The following LRFN2 variants were observed in gnomAD, a reference collection of about 807,000 sequenced individuals.
LRFN2 encodes leucine rich repeat and fibronectin type III domain containing 2.
In LRFN2, 18 loss-of-function variants were observed where a neutral mutation model predicts 37.3. That is an observed-to-expected ratio of 0.48 (90% confidence interval 0.33 to 0.72). The LOEUF (loss-of-function observed/expected upper bound fraction) is 0.72, where lower values mean the gene tolerates loss of function less well. Among genes scored for constraint, LRFN2 ranks in the 30% least tolerant of loss-of-function variants. The pLI is 0.02. For missense variants in LRFN2, 1,006 were observed against 1,060.7 expected (o/e 0.95, Z 0.72); for synonymous variants, 556 against 466.6 (o/e 1.19, Z -2.47).
intron 2 of LRFN2, among the ~76,000 whole-genome samples, chr6:40,409,534 C>T (rs985580): frequency 1.1e-4 from 17 of 152,136 alleles, no homozygotes; most frequent in African/African-American, 4.1e-4. Context: ...AGATCAGTTT[C>T]AAATGTTGGC....
chr6:40,512,164 G>A (rs982701189), intron 1 of LRFN2, among the ~76,000 whole-genome samples: 4 of 152,130 alleles, frequency 2.6e-5, no homozygotes, highest in African/African-American at 7.2e-5. Context: ...GACGTGTCCC[G>A]CGCACTTGAC....
chr6:40,471,605 A>G (rs79463374), intron 1 of LRFN2, among the ~76,000 whole-genome samples: 12 of 152,170 alleles, frequency 7.9e-5, no homozygotes, highest in Admixed American at 7.9e-4. Flanking sequence ...CCCAACTCCA[A>G]TACTATATTA....
At chr6:40,517,141 C>A (rs1463010325) in intron 1 of LRFN2, among the ~76,000 whole-genome samples, 1 of 152,194 alleles carries the variant, frequency 6.6e-6, no homozygotes. Flanking sequence ...CTCTCCTCAT[C>A]CCTAGCTGCA....
intron 1 of LRFN2, among the ~76,000 whole-genome samples, chr6:40,446,829 TC>T (rs1197107546): frequency 1.3e-5 from 2 of 152,170 alleles, no homozygotes; most frequent in African/African-American, 4.8e-5. Context: ...GGGAGCTGTG[TC>T]CCCCCTCAGA....
chr6:40,411,316 AGGAGT>A (rs1340255529), intron 2 of LRFN2, among the ~76,000 whole-genome samples: 1 of 152,166 alleles, frequency 6.6e-6, no homozygotes, highest in Non-Finnish European at 1.5e-5. Flanking sequence ...CGGGCACGGT[AGGAGT>A]AGGGGGGCTG....
At chr6:40,502,753 G>T (rs1225971637) in intron 1 of LRFN2, among the ~76,000 whole-genome samples, 2 of 152,232 alleles carry the variant, frequency 1.3e-5, no homozygotes, top group Non-Finnish European at 2.9e-5. Flanking sequence ...ACTATGCTGT[G>T]TTAGGCACTG....
At chr6:40,476,947 A>G (rs1447457694) in intron 1 of LRFN2, among the ~76,000 whole-genome samples, 2 of 152,212 alleles carry the variant, frequency 1.3e-5, no homozygotes, top group East Asian at 1.9e-4. Flanking sequence ...GGCCTGCTAC[A>G]AAGTAGCTTA....
At chr6:40,576,014 T>C (rs115678336) in intron 1 of LRFN2, among the ~76,000 whole-genome samples, 4,204 of 152,296 alleles carry the variant, frequency 0.028, 90 homozygotes, top group Admixed American at 0.039. Context: ...GTGGCCATTA[T>C]TATTATGTTA....
At chr6:40,572,473 G>C (rs963470683) in intron 1 of LRFN2, among the ~76,000 whole-genome samples, 1 of 152,210 alleles carries the variant, frequency 6.6e-6, no homozygotes, top group South Asian at 2.1e-4. Flanking sequence ...ACTATGGGAA[G>C]TGTTTGGAAG....
chr6:40,482,300 C>T (rs1174094386), intron 1 of LRFN2, among the ~76,000 whole-genome samples: 2 of 152,162 alleles, frequency 1.3e-5, no homozygotes, highest in Non-Finnish European at 2.9e-5. Context: ...ATGACAAGTC[C>T]CATAGAGGTC....
At chr6:40,526,094 A>G (rs554762381) in intron 1 of LRFN2, among the ~76,000 whole-genome samples, 109 of 152,354 alleles carry the variant, frequency 7.2e-4, no homozygotes, top group Admixed American at 4.6e-3. Flanking sequence ...AGCACTGCTT[A>G]TGGGCTGACT....
At position 40,463,670 on chromosome 6, in the gene LRFN2, A is replaced by ATTTTTTTTT. The variant is rs66745321; in HGVS notation, c.-18-30548_-18-30540dup. ...TACATCATACTATTTCTTTCTTTCTATTTTTTTTTTTTTTTTTTTTTTTTG... is the reference window on the plus strand; with the variant it reads ...TACATCATACTATTTCTTTCTTTCTATTTTTTTTTTTTTTTTTTTTTTTTTTTTTTTTTG... On this transcript the variant is annotated intron_variant, in intron 1 of 2. Transcript: ENST00000338305. Among the ~76,000 whole-genome samples, 137 of 76,536 alleles carry ATTTTTTTTT rather than the reference A, an allele frequency of 1.8e-3. 3 individuals carry two copies. The highest frequency in any genetic ancestry group is 2.6e-3 in the Non-Finnish European group (111 of 42,344). The allele number at this position is 76,536 out of a possible 152,430, so 50.2% of individuals were successfully genotyped here.
intron 2 of LRFN2, among the ~76,000 whole-genome samples, chr6:40,420,819 T>TC (rs1763211777): frequency 6.6e-6 from 1 of 152,216 alleles, no homozygotes; most frequent in Non-Finnish European, 1.5e-5. Context: ...GAGACAAGGA[T>TC]TTGAATACAA....
intron 1 of LRFN2, among the ~76,000 whole-genome samples, chr6:40,463,362 T>C (rs1764386988): frequency 6.6e-6 from 1 of 152,178 alleles, no homozygotes; most frequent in Non-Finnish European, 1.5e-5. Flanking sequence ...CTGCAATAGC[T>C]CCTGACTAAT....
intron 1 of LRFN2, among the ~76,000 whole-genome samples, chr6:40,551,141 G>A (rs1208634426): frequency 6.6e-6 from 1 of 152,136 alleles, no homozygotes; most frequent in Admixed American, 6.5e-5. Context: ...GACTAGTCCA[G>A]AGGAACATGT....
chr6:40,538,415 G>T (rs1034437998), intron 1 of LRFN2, among the ~76,000 whole-genome samples: 3 of 152,140 alleles, frequency 2.0e-5, no homozygotes, highest in African/African-American at 7.2e-5. Context: ...CCCCAGCTCA[G>T]GATTCCTGCA....
rs1029372479 is a variant in LRFN2, at chr6:40,427,953, G to A, written c.1400+3761C>T. Among the ~76,000 whole-genome samples the A allele has an allele frequency of 2.0e-5, 3 of 152,168 alleles. 1 individual carries two copies. In the South Asian group the frequency reaches 6.2e-4, roughly 31 times the overall value. On this transcript the variant is annotated intron_variant, in intron 2 of 2. Coordinates refer to ENST00000338305, the MANE Select transcript of LRFN2 (RefSeq NM_020737.3). ...TTTGGCATTCCTCTCCATAGTATTG[G>A]TCTTGTTAGGTTGAGGCTCTGGGCA... is the stretch of plus-strand genomic sequence containing the variant.
intron 1 of LRFN2, among the ~76,000 whole-genome samples, chr6:40,566,617 A>G (rs1407647662): frequency 3.3e-5 from 5 of 151,752 alleles, no homozygotes; most frequent in Non-Finnish European, 7.4e-5. Flanking sequence ...CATCATTCTC[A>G]GCAAACTATC....
At chr6:40,441,445 G>A (rs1763833352) in intron 1 of LRFN2, among the ~76,000 whole-genome samples, 1 of 152,158 alleles carries the variant, frequency 6.6e-6, no homozygotes, top group Non-Finnish European at 1.5e-5. Context: ...CTTGATGGAG[G>A]GCTGTGTGGG....
Sources: allele counts gnomAD v4.1 joint callset (sites outside exome capture counted in the v4.1 genomes callset), GRCh38; gene constraint gnomAD v4.1.1; transcripts MANE v1.5; gene names NCBI Gene and HGNC (gene_info 2026-07-23, HGNC 2026-07-21).